CDC42BPA: variants seen among roughly 807,000 people sequenced by gnomAD.
CDC42BPA encodes CDC42 binding protein kinase alpha, also known as serine/threonine-protein kinase MRCK alpha.
A neutral mutation model predicts 223.5 loss-of-function variants in CDC42BPA; 80 were observed. The observed-to-expected ratio is 0.36, with a 90% CI of 0.30 to 0.43. The LOEUF is 0.43. Ranked by LOEUF, CDC42BPA falls within the 20% of genes least tolerant of loss-of-function variation. The pLI, the probability that CDC42BPA is intolerant of heterozygous loss-of-function variation, is 1.00. For synonymous variants in CDC42BPA, 694 were observed against 718.6 expected, an observed-to-expected ratio of 0.97 and a Z score of 0.55; for missense variants, 1,743 against 2,099.9, an observed-to-expected ratio of 0.83 and a Z score of 3.32.
At chr1:227,085,340 A>G (rs1451478269) in intron 16 of CDC42BPA, among the ~76,000 whole-genome samples, 1 of 152,150 alleles carries the variant, frequency 6.6e-6, no homozygotes, top group Non-Finnish European at 1.5e-5. Context: ...GCCACATAAA[A>G]TCTCACATCA....
At chr1:227,160,316 T>TA (rs1175779120) in intron 6 of CDC42BPA, among the ~76,000 whole-genome samples, 1 of 152,210 alleles carries the variant, frequency 6.6e-6, no homozygotes, top group Non-Finnish European at 1.5e-5. Flanking sequence ...GGGTATATTT[T>TA]ATCAATCTTA....
intron 2 of CDC42BPA, among the ~76,000 whole-genome samples, chr1:227,245,894 TG>T (rs2148171992): frequency 6.6e-6 from 1 of 152,290 alleles, no homozygotes. Context: ...TTCCCAGTTG[TG>T]GTGGCCACTG....
intron 1 of CDC42BPA, among the ~76,000 whole-genome samples, chr1:227,286,990 A>G (rs1233098719): frequency 6.9e-6 from 1 of 145,912 alleles, no homozygotes; most frequent in Non-Finnish European, 1.5e-5. Flanking sequence ...AACCACAGGA[A>G]GGACACCAAG....
intron 6 of CDC42BPA, among the ~76,000 whole-genome samples, chr1:227,151,246 A>G (rs1661696782): frequency 6.6e-6 from 1 of 152,250 alleles, no homozygotes; most frequent in Non-Finnish European, 1.5e-5. Flanking sequence ...AAGTGGAATC[A>G]TAAAATATTT....
chr1:227,299,262 T>C lies in CDC42BPA; in HGVS notation c.178+17743A>G, dbSNP rs115466212. Reference sequence around the variant, plus strand: ...TAGGGTTTTCAAAAACTGAATTTAATTGTCTGTTAAAAAACTAATGCCCTC... The same window carrying C: ...TAGGGTTTTCAAAAACTGAATTTAACTGTCTGTTAAAAAACTAATGCCCTC... On this transcript the variant is annotated intron_variant, in intron 1 of 36. Transcript: ENST00000366766. 5.1e-3 allele frequency among the ~76,000 whole-genome samples: 780 copies of C among 152,330 alleles called. 6 individuals carry two copies. The highest frequency in any genetic ancestry group is 8.7e-3 in the Non-Finnish European group (590 of 68,008).
At chr1:227,307,693 A>C (rs1208935445) in intron 1 of CDC42BPA, among the ~76,000 whole-genome samples, 1 of 152,232 alleles carries the variant, frequency 6.6e-6, no homozygotes, top group Non-Finnish European at 1.5e-5. Context: ...ACACTAGTGT[A>C]CATTAAGTTT....
intron 20 of CDC42BPA, among the ~76,000 whole-genome samples, chr1:227,070,912 AT>A (rs1678180611): frequency 6.6e-6 from 1 of 151,840 alleles, no homozygotes; most frequent in Non-Finnish European, 1.5e-5. Flanking sequence ...TGCAAGTCAT[AT>A]TCTGCACTAG....
chr1:226,993,710 G>A lies in CDC42BPA; in HGVS notation c.*558C>T, dbSNP rs1205463758. 1 of 152,636 alleles carries A rather than the reference G, an allele frequency of 6.6e-6. No homozygotes were observed. Among genetic ancestry groups the A allele is most frequent in the Non-Finnish European group, 1.5e-5 (1 of 68,170 alleles). 9.5% of individuals were successfully genotyped at this position (152,636 alleles called of 1,614,324 possible). On this transcript the variant is annotated 3_prime_UTR_variant, in exon 37 of 37. Transcript: ENST00000366766. ...GGCTCCTTTTAAATATATACATTCA[G>A]TACTTCTACATTTATGTATTCATTT...
At chr1:227,271,697 C>CA (rs1685981875) in intron 1 of CDC42BPA, among the ~76,000 whole-genome samples, 1 of 151,938 alleles carries the variant, frequency 6.6e-6, no homozygotes, top group South Asian at 2.1e-4. Context: ...TAAATTCACC[C>CA]AAAAAAAGTC....
intron 3 of CDC42BPA, among the ~76,000 whole-genome samples, chr1:227,202,858 A>T (rs1672029647): frequency 6.6e-6 from 1 of 151,944 alleles, no homozygotes; most frequent in Non-Finnish European, 1.5e-5. Flanking sequence ...TGAGCCTAGG[A>T]GTTTGAGGCT....
intron 11 of CDC42BPA, among the ~76,000 whole-genome samples, chr1:227,125,620 A>G (rs796166912): frequency 6.6e-6 from 1 of 151,090 alleles, no homozygotes; most frequent in African/African-American, 2.4e-5. Flanking sequence ...AAAAAAAAAA[A>G]AAGAGTGATG....
chr1:227,226,557 T>C (rs1676898498), intron 2 of CDC42BPA, among the ~76,000 whole-genome samples: 1 of 152,176 alleles, frequency 6.6e-6, no homozygotes, highest in Admixed American at 6.6e-5. Flanking sequence ...ACAGGAAAGA[T>C]TTGAAGTTCT....
intron 15 of CDC42BPA, among the ~76,000 whole-genome samples, chr1:227,097,145 C>T (rs1684152171): frequency 6.6e-6 from 1 of 152,052 alleles, no homozygotes; most frequent in South Asian, 2.1e-4. Context: ...TATCAGATTA[C>T]AAGCATGCTG....
chr1:227,047,286 T>G (rs1452579545), intron 23 of CDC42BPA, among the ~76,000 whole-genome samples: 1 of 152,188 alleles, frequency 6.6e-6, no homozygotes, highest in Non-Finnish European at 1.5e-5. Context: ...TATTTTAAAT[T>G]CATGTTCTAT....
At chr1:227,310,430 G>T (rs1379741252) in intron 1 of CDC42BPA, among the ~76,000 whole-genome samples, 3 of 152,122 alleles carry the variant, frequency 2.0e-5, no homozygotes, top group Admixed American at 6.5e-5. Flanking sequence ...GCAAACAGTG[G>T]GATTGGAAAG....
chr1:227,205,278 AAAAAAATATAT>A (rs1672475487), intron 3 of CDC42BPA, among the ~76,000 whole-genome samples: 1 of 48,756 alleles, frequency 2.1e-5, no homozygotes, highest in Non-Finnish European at 5.3e-5. Flanking sequence ...CAAAAAAAAA[AAAAAAATATAT>A]ATATATATAT....
intron 1 of CDC42BPA, among the ~76,000 whole-genome samples, chr1:227,268,351 A>T (rs1176986039): frequency 1.3e-5 from 2 of 152,082 alleles, no homozygotes; most frequent in Admixed American, 6.6e-5. Flanking sequence ...AAGTTTGCCA[A>T]TTCTGTTTTA....
intron 5 of CDC42BPA, among the ~76,000 whole-genome samples, chr1:227,187,707 C>T (rs1286515538): frequency 1.1e-5 from 1 of 90,954 alleles, no homozygotes; most frequent in African/African-American, 4.4e-5. Context: ...AAAAACTATA[C>T]CTAGGCACAC....
Position 227,016,166 on chromosome 1 carries a change from T to A in CDC42BPA, c.4771A>T (p.Lys1591Ter). The A allele has an allele frequency of 6.3e-7, 1 of 1,592,466 alleles. No individual in the cohort carries two copies. Among genetic ancestry groups the A allele is most frequent in the Non-Finnish European group, 8.6e-7 (1 of 1,160,692 alleles). ...EMLRDPEMRN[K>*]LISNPTNFNH... ...AAATTAGTTGGATTAGAAATTAATT[T>A]ATTTCTCATTTCTGGATCTCGTAGC... is the stretch of plus-strand genomic sequence containing the variant. The change falls in exon 34 of 37, where the codon AAA becomes TAA. Residue 1591 changes from lysine (K) to a stop codon, truncating the protein, a stop_gained. Coordinates refer to ENST00000366766, the MANE Select transcript of CDC42BPA (RefSeq NM_001394014.1). LOFTEE classifies it high-confidence loss of function.
Sources: allele counts gnomAD v4.1 joint callset (sites outside exome capture counted in the v4.1 genomes callset), GRCh38; gene constraint gnomAD v4.1.1; transcripts MANE v1.5; gene names NCBI Gene and HGNC (gene_info 2026-07-23, HGNC 2026-07-21).